RTN2: variants seen among roughly 807,000 people sequenced by gnomAD.
The protein encoded by RTN2 is reticulon 2.
A neutral mutation model predicts 63.7 loss-of-function variants in RTN2; 36 were observed. That is an observed-to-expected ratio of 0.56 (90% CI 0.43 to 0.75). RTN2 has a LOEUF of 0.75. RTN2 is among the 30% of genes least tolerant of loss of function. RTN2 has a pLI of 0.00. For missense variants in RTN2, 673 were observed against 705.1 expected (o/e 0.95, Z 0.52); for synonymous variants, 312 against 313.0 (o/e 1.00, Z 0.03).
At chr19:45,492,109 C>T (rs548717850) in intron 5 of RTN2, among the ~76,000 whole-genome samples, 85 of 152,208 alleles carry the variant, frequency 5.6e-4, no homozygotes, top group Non-Finnish European at 1.0e-3. Flanking sequence ...CCTTGATACC[C>T]TTAGCAACAC....
intron 4 of RTN2, chr19:45,493,955 G>T: frequency 3.0e-6 from 2 of 674,788 alleles, no homozygotes; most frequent in Non-Finnish European, 4.9e-6. Flanking sequence ...CTCCCAAAGG[G>T]CTGGGATTAC....
Position 45,488,441 on chromosome 19 carries a change from G to A in RTN2, c.1497+30C>T, listed in dbSNP as rs772124102. Reference sequence around the variant, plus strand: ...TGGTCAGACCCCCATGTTTAGCTGGGGTGCTGACAACTGAGGGTGTCACAC... The same window carrying A: ...TGGTCAGACCCCCATGTTTAGCTGGAGTGCTGACAACTGAGGGTGTCACAC... On this transcript the variant is annotated intron_variant, in intron 9 of 10. Transcript: ENST00000245923. The A allele has an allele frequency of 2.5e-6, 4 of 1,607,996 alleles. No homozygotes were observed. In the South Asian group the frequency reaches 4.4e-5, roughly 18 times the overall value.
intron 9 of RTN2, among the ~76,000 whole-genome samples, chr19:45,486,387 C>G (rs975987180): frequency 2.6e-5 from 4 of 152,168 alleles, no homozygotes; most frequent in African/African-American, 9.7e-5. Flanking sequence ...GATGGTTAAT[C>G]TTTGAGTGAG....
rs138223572 is a variant in RTN2 at position 45,494,686 on chromosome 19, G to T, written c.399C>A (p.Ser133=). ...GCCTCAGGTCTTCCAGAGGGCGCTC[G>T]GATGGAGGCGCGGTGTCAGGATCAC... is the stretch of plus-strand genomic sequence containing the variant. The part of the protein sequence containing the change: ...RRGDPDTAPP[S]ERPLEDLRLR... Residue 133 remains serine (S), a synonymous_variant, in exon 3 of 11, where the codon TCC becomes TCA. Coordinates refer to ENST00000245923, the MANE Select transcript of RTN2 (RefSeq NM_005619.5). This position sits in a 1 kb window ranked among gnomAD's most constrained non-coding sequence, Gnocchi z 5.3. 79 of 1,613,584 alleles carry T rather than the reference G, an allele frequency of 4.9e-5. No homozygotes were observed. The highest frequency in any genetic ancestry group is 5.9e-5 in the Non-Finnish European group (70 of 1,179,996).
chr19:45,485,964 C>G, intron 10 of RTN2, 91 bp downstream of exon 10: 1 of 1,367,270 alleles, frequency 7.3e-7, no homozygotes, highest in Non-Finnish European at 1.0e-6. Context: ...GGACATTACC[C>G]CAGGAGATTT....
chr19:45,488,655 A>G lies in RTN2; in HGVS notation c.1432T>C (p.Leu478=). The G allele has an allele frequency of 5.6e-6, 9 of 1,614,034 alleles. No homozygotes were observed. Among genetic ancestry groups the G allele is most frequent in the Non-Finnish European group, 7.6e-6 (9 of 1,179,980 alleles). Residue 478 remains leucine (L), a synonymous_variant, in exon 8 of 11, where the codon TTG becomes CTG. Transcript: ENST00000245923. ...AGCTCACCCAGAATGAGAAGAGTCAAACCATTGAAGATGGCACCCACGAAG... is the reference window on the plus strand; with the variant it reads ...AGCTCACCCAGAATGAGAAGAGTCAGACCATTGAAGATGGCACCCACGAAG... ...LTFVGAIFNG[L]TLLILGVIGL...
Position 45,496,776 on chromosome 19 carries a change from G to T in RTN2, c.34+16C>A. On this transcript the variant is annotated intron_variant, in intron 1 of 10. Transcript: ENST00000245923. ...CCTCTGGGGCCCACACCAGGCCCCA[G>T]TCTTCCTCTACTCACTGCAGTGGGC... 1 of 1,503,704 alleles carries T rather than the reference G, an allele frequency of 6.7e-7. No homozygotes were observed. The highest frequency in any genetic ancestry group is 8.9e-7 in the Non-Finnish European group (1 of 1,118,910). The allele number at this position is 1,503,704 out of a possible 1,614,324, so 93.1% of individuals were successfully genotyped here. A position where few individuals can be genotyped will look rare whatever the true frequency, so the allele number is the denominator to read the frequency against.
chr19:45,487,587 T>A (rs1305105534), intron 9 of RTN2, among the ~76,000 whole-genome samples: 3 of 142,440 alleles, frequency 2.1e-5, no homozygotes, highest in Middle Eastern at 3.4e-3. Context: ...TTTTTGGTTT[T>A]TTTTTTTTTT....
In RTN2 at chr19:45,495,100, G is replaced by A; in HGVS notation, c.74C>T (p.Thr25Ile). Residue 25 changes from threonine to isoleucine, a missense_variant, in exon 2 of 11, where the codon ACA becomes ATA. By Grantham distance (89) the Thr-to-Ile change is moderately conservative (BLOSUM62 -1). Transcript: ENST00000245923. Reference protein sequence around the residue: ...PSTASSTPDSTEGGNDDSDFR... With the variant: ...PSTASSTPDSIEGGNDDSDFR... The stretch of plus-strand genomic sequence containing the variant: ...ACATGCTCCCCACCACTTACCTTCT[G>A]TGGAATCAGGAGTTGAGGAGGCTGT... 6.2e-7 allele frequency: 1 copy of A among 1,614,192 alleles called. No individual in the cohort carries two copies. The highest frequency in any genetic ancestry group is 8.5e-7 in the Non-Finnish European group (1 of 1,180,026).
chr19:45,493,464 T>A, intron 4 of RTN2, 86 bp from the exon 5 acceptor site: 1 of 1,027,658 alleles, frequency 9.7e-7, no homozygotes, highest in Non-Finnish European at 1.5e-6. Flanking sequence ...GGTTTTTGTT[T>A]GTTTTTTCAA....
At chr19:45,485,999 A>G (rs371004410) in intron 10 of RTN2, 56 bp downstream of exon 10, 268 of 1,543,622 alleles carry the variant, frequency 1.7e-4, no homozygotes, top group Non-Finnish European at 2.2e-4. Flanking sequence ...TAGAAAGGAA[A>G]GGTTCCCAAG....
rs6509218 is a variant in RTN2, at chr19:45,489,123, T to C, written c.1242-137A>G. The C allele has an allele frequency of 0.99, 1,018,967 of 1,025,314 alleles. 506,348 individuals carry two copies. Among genetic ancestry groups the C allele is most frequent in the East Asian group, 1 (38,326 of 38,328 alleles). The allele number at this position is 1,025,314 out of a possible 1,614,324, so 63.5% of individuals were successfully genotyped here. ...ACTGAGGGGCAGCTCAGAGGAATCA[T>C]ATGTAGAGGGCTGGGGTCAGGGTCA... On this transcript the variant is annotated intron_variant, in intron 6 of 10. Coordinates refer to ENST00000245923, the MANE Select transcript of RTN2 (RefSeq NM_005619.5).
intron 8 of RTN2, 21 bp downstream of exon 8, chr19:45,488,616 C>G (rs964170400): frequency 1.2e-6 from 2 of 1,613,850 alleles, no homozygotes; most frequent in Non-Finnish European, 1.7e-6. Flanking sequence ...CCATTTGCCC[C>G]TTACGGCCTT....
intron 5 of RTN2, among the ~76,000 whole-genome samples, chr19:45,490,235 C>CAAG: frequency 6.6e-6 from 1 of 152,002 alleles, no homozygotes; most frequent in South Asian, 2.1e-4. Context: ...CTCCTGACCT[C>CAAG]GTGGTCCACC....
intron 9 of RTN2, among the ~76,000 whole-genome samples, chr19:45,487,321 A>G (rs1418384613): frequency 6.6e-6 from 1 of 151,918 alleles, no homozygotes; most frequent in African/African-American, 2.4e-5. Context: ...CCGGGATTAC[A>G]GTTGTGAGCC....
chr19:45,485,587 G>A lies in RTN2; in HGVS notation c.*121C>T. The A allele has an allele frequency of 1.3e-6, 1 of 775,690 alleles. No homozygotes were observed. The highest frequency in any genetic ancestry group is 1.7e-5 in the African/African-American group (1 of 59,122). 48.1% of individuals were successfully genotyped at this position (775,690 alleles called of 1,614,324 possible). A position where few individuals can be genotyped will look rare whatever the true frequency, so the allele number is the denominator to read the frequency against. On this transcript the variant is annotated 3_prime_UTR_variant, in exon 11 of 11. Coordinates refer to ENST00000245923, the MANE Select transcript of RTN2 (RefSeq NM_005619.5). Reference sequence around the variant, plus strand: ...CAGAGTCCCTAGTGGGAGTGATCCTGACACCCACCGGGAAAAGGCTCGGGC... The same window carrying A: ...CAGAGTCCCTAGTGGGAGTGATCCTAACACCCACCGGGAAAAGGCTCGGGC...
chr19:45,492,254 C>T (rs1968176481), intron 5 of RTN2, among the ~76,000 whole-genome samples: 1 of 152,156 alleles, frequency 6.6e-6, no homozygotes, highest in African/African-American at 2.4e-5. Flanking sequence ...ACCTTTGTAC[C>T]CCAACCTTCA....
chr19:45,488,474 G>A lies in RTN2; in HGVS notation c.1494C>T (p.His498=), dbSNP rs1228255463. 11 of 1,613,734 alleles carry A rather than the reference G, an allele frequency of 6.8e-6. No homozygotes were observed. The East Asian group carries it at 2.0e-4, about 29-fold the overall frequency. The change falls in exon 9 of 11, where the codon CAC becomes CAT. Residue 498 remains histidine, a synonymous_variant. Transcript: ENST00000245923. ...LFTIPLLYRQ[H]QAQIDQYVGL... The stretch of plus-strand genomic sequence containing the variant: ...CAACTGAGGGTGTCACACTCACCTG[G>A]TGCTGCCGGTACAGCAGGGGGATGG...
In RTN2 at chr19:45,488,293, G is replaced by A. The variant is rs563001001; in HGVS notation, c.1497+178C>T. On this transcript the variant is annotated intron_variant, in intron 9 of 10. Coordinates refer to ENST00000245923, the MANE Select transcript of RTN2 (RefSeq NM_005619.5). ...CAAAACAAAAACAAACAAAAAGCCT[G>A]TCCCTGGCTGATGCTGATAAGACAT... Among the ~76,000 whole-genome samples the A allele has an allele frequency of 1.5e-4, 23 of 152,282 alleles. No homozygotes were observed. In the South Asian group the frequency reaches 1.9e-3, roughly 12 times the overall value.
Sources: gnomAD v4.1 joint callset for allele counts (sites outside exome capture counted in the v4.1 genomes callset) on GRCh38, gnomAD v4.1.1 for gene constraint, Gnocchi (gnomAD v3.1) non-coding constraint, MANE v1.5 for transcripts, NCBI Gene and HGNC (gene_info 2026-07-23, HGNC 2026-07-21) for gene names.